SMAD3: variants seen among roughly 807,000 people sequenced by gnomAD.
SMAD3 encodes the protein MAD homolog 3.
In SMAD3, 12 loss-of-function variants were observed where a neutral mutation model predicts 51.8. That is an observed-to-expected ratio of 0.23 (90% CI 0.15 to 0.38). SMAD3 has a LOEUF of 0.38. Ranked by LOEUF, SMAD3 falls within the 10% of genes least tolerant of loss-of-function variation. The probability of loss-of-function intolerance (pLI) is 1.00; values close to 1 mark genes in which losing one functional copy is unlikely to be tolerated. For synonymous variants in SMAD3, 238 were observed against 227.7 expected, an observed-to-expected ratio of 1.05 and a Z score of -0.41; for missense variants, 294 against 565.6, an observed-to-expected ratio of 0.52 and a Z score of 4.87.
intron 3 of SMAD3, 128 bp from the exon 4 acceptor site, chr15:67,166,651 C>G: frequency 4.1e-6 from 3 of 727,734 alleles, no homozygotes. Flanking sequence ...ACCTCTACTC[C>G]AAGACCTGGA....
At position 67,194,687 on chromosome 15, in the gene SMAD3, G is replaced by T; in HGVS notation, c.*4151G>T. 1 of 232,268 alleles carries T rather than the reference G, an allele frequency of 4.3e-6. No homozygotes were observed. The highest frequency in any genetic ancestry group is 8.5e-6 in the Non-Finnish European group (1 of 117,176). The allele number at this position is 232,268 out of a possible 1,614,324, so 14.4% of individuals were successfully genotyped here. A position where few individuals can be genotyped will look rare whatever the true frequency, so the allele number is the denominator to read the frequency against. ...CCAGTTCTGAATGTTGGTGGAGGGT[G>T]TAGTGGCTTTTTGGCTCAGCATCCA... is the stretch of plus-strand genomic sequence containing the variant. On this transcript the variant is annotated 3_prime_UTR_variant, in exon 9 of 9. Coordinates refer to ENST00000327367, the MANE Select transcript of SMAD3 (RefSeq NM_005902.4).
At chr15:67,101,269 T>G (rs1273743589) in intron 1 of SMAD3, among the ~76,000 whole-genome samples, 1 of 152,232 alleles carries the variant, frequency 6.6e-6, no homozygotes, top group African/African-American at 2.4e-5. Flanking sequence ...CACCTGACAC[T>G]ACAGGAAATA....
At chr15:67,120,271 G>C (rs1352983903) in intron 1 of SMAD3, among the ~76,000 whole-genome samples, 3 of 152,230 alleles carry the variant, frequency 2.0e-5, no homozygotes, top group African/African-American at 7.2e-5. Context: ...TGCTTAACGT[G>C]ATGTGGGGAA....
chr15:67,182,996 A>ATATATATATATATATATATAT (rs1429510155), intron 6 of SMAD3, among the ~76,000 whole-genome samples: 1 of 55,380 alleles, frequency 1.8e-5, no homozygotes, highest in Non-Finnish European at 3.2e-5. Context: ...TAAAAAAAAA[A>ATATATATATATATATATATAT]AAAAATATAT....
chr15:67,097,906 C>T (rs1047017565), intron 1 of SMAD3, among the ~76,000 whole-genome samples: 3 of 152,168 alleles, frequency 2.0e-5, no homozygotes, highest in African/African-American at 7.2e-5. Flanking sequence ...TCAGGCTGTG[C>T]TCTAGAAGTT....
intron 5 of SMAD3, among the ~76,000 whole-genome samples, chr15:67,172,406 C>G (rs935962853): frequency 6.6e-6 from 1 of 152,300 alleles, no homozygotes; most frequent in Admixed American, 6.5e-5. Context: ...GGTAAGACAC[C>G]GTGCTGACAG....
chr15:67,106,000 T>A (rs1960869087), intron 1 of SMAD3, among the ~76,000 whole-genome samples: 1 of 152,070 alleles, frequency 6.6e-6, no homozygotes, highest in Non-Finnish European at 1.5e-5. Flanking sequence ...TAGCCTCTTC[T>A]CCTTCTCCCT....
chr15:67,118,709 A>G (rs1314101490), intron 1 of SMAD3, among the ~76,000 whole-genome samples: 1 of 152,238 alleles, frequency 6.6e-6, no homozygotes, highest in Non-Finnish European at 1.5e-5. Context: ...TGAGTCGTGA[A>G]CATCCCATTG....
At chr15:67,073,376 TATTA>T (rs539229753) in intron 1 of SMAD3, among the ~76,000 whole-genome samples, 2 of 152,278 alleles carry the variant, frequency 1.3e-5, no homozygotes, top group African/African-American at 2.4e-5. Context: ...AGTAGAAGCC[TATTA>T]ATTAAGAAGT....
At chr15:67,113,797 TGTTA>T (rs994531960) in intron 1 of SMAD3, among the ~76,000 whole-genome samples, 8 of 152,210 alleles carry the variant, frequency 5.3e-5, no homozygotes, top group African/African-American at 1.7e-4. Context: ...ATTTCATTTG[TGTTA>T]GTTCTTTCCC....
intron 1 of SMAD3, among the ~76,000 whole-genome samples, chr15:67,084,133 T>C (rs915187891): frequency 1.4e-5 from 2 of 141,150 alleles, no homozygotes; most frequent in African/African-American, 5.3e-5. Flanking sequence ...TGGAGTGCAG[T>C]GATGCGATCT....
intron 1 of SMAD3, among the ~76,000 whole-genome samples, chr15:67,159,047 AT>A (rs902115454): frequency 2.6e-5 from 4 of 151,958 alleles, no homozygotes; most frequent in South Asian, 2.1e-4. Flanking sequence ...CATTAAAAAA[AT>A]TTTTTTAATC....
rs1018020140 is a variant in SMAD3, at chr15:67,190,596, G to A, written c.*60G>A. On this transcript the variant is annotated 3_prime_UTR_variant, in exon 9 of 9. Transcript: ENST00000327367. ...GGAAAATGGCCATGCAGGAGGTGGA[G>A]AAAATTGGAACTCTACTCAACCCAT... 16 of 1,554,162 alleles carry A rather than the reference G, an allele frequency of 1.0e-5. No individual in the cohort carries two copies. The Admixed American group carries it at 2.5e-4, about 24-fold the overall frequency.
intron 1 of SMAD3, among the ~76,000 whole-genome samples, chr15:67,086,480 T>G (rs965297337): frequency 7.9e-5 from 12 of 152,072 alleles, no homozygotes; most frequent in African/African-American, 2.9e-4. Context: ...CTCATTCAGG[T>G]AAAGGGATGG....
At chr15:67,105,195 G>A (rs995862929) in intron 1 of SMAD3, among the ~76,000 whole-genome samples, 1 of 152,228 alleles carries the variant, frequency 6.6e-6, no homozygotes, top group East Asian at 1.9e-4. Flanking sequence ...CTGAGCCTCA[G>A]TTTACTCCTT....
At chr15:67,094,179 C>G (rs2037808401) in intron 1 of SMAD3, among the ~76,000 whole-genome samples, 1 of 152,150 alleles carries the variant, frequency 6.6e-6, no homozygotes, top group African/African-American at 2.4e-5. Flanking sequence ...AGGAAGTCAG[C>G]CTGCACCTCG....
chr15:67,186,445 A>G (rs577842895), intron 7 of SMAD3, among the ~76,000 whole-genome samples: 76 of 152,254 alleles, frequency 5.0e-4, no homozygotes, highest in African/African-American at 1.8e-3. Context: ...CCAGCCCTTC[A>G]TTATACAGAG....
chr15:67,169,582 C>T (rs981999260), intron 4 of SMAD3, among the ~76,000 whole-genome samples: 1 of 151,498 alleles, frequency 6.6e-6, no homozygotes, highest in Non-Finnish European at 1.5e-5. Flanking sequence ...CTCCTAGGCT[C>T]AAGTAATTGT....
Position 67,187,447 on chromosome 15 carries a change from C to T in SMAD3, c.1092C>T (p.Tyr364=), listed in dbSNP as rs753875974. The T allele has an allele frequency of 4.7e-5, 76 of 1,614,038 alleles. No homozygotes were observed. In the Admixed American group the frequency reaches 5.0e-4, roughly 11 times the overall value. The part of the protein sequence containing the change: ...QSVNQGFEAV[Y]QLTRMCTIRM... The stretch of plus-strand genomic sequence containing the variant: ...TCAACCAGGGCTTTGAGGCTGTCTA[C>T]CAGTTGACCCGAATGTGCACCATCC... Residue 364 remains tyrosine, a synonymous_variant, in exon 8 of 9, where the codon TAC becomes TAT. Transcript: ENST00000327367.
Sources: allele counts gnomAD v4.1 joint callset (sites outside exome capture counted in the v4.1 genomes callset), GRCh38; gene constraint gnomAD v4.1.1; transcripts MANE v1.5; gene names NCBI Gene and HGNC (gene_info 2026-07-23, HGNC 2026-07-21).